AHNAK: variants seen among roughly 807,000 people sequenced by gnomAD.
The protein encoded by AHNAK is neuroblast differentiation-associated protein AHNAK.
Under a neutral mutation model 37.8 loss-of-function variants are expected in AHNAK, and 23 were observed. The ratio of observed to expected loss-of-function variants is 0.61; its 90% confidence interval spans 0.44 to 0.86. The LOEUF (loss-of-function observed/expected upper bound fraction) is 0.86. AHNAK is among the 40% of genes least tolerant of loss of function. The pLI, the probability that AHNAK is intolerant of heterozygous loss-of-function variation, is 0.00. For missense variants in AHNAK, 7,411 were observed against 7,319.4 expected (o/e 1.01, Z -0.46); for synonymous variants, 2,481 against 2,636.3 (o/e 0.94, Z 1.80).
rs774570799 is a variant in AHNAK, at chr11:62,517,389, T to C, written c.17028A>G (p.Arg5676=). The C allele has an allele frequency of 2.5e-6, 4 of 1,614,084 alleles. No homozygotes were observed. Among genetic ancestry groups the C allele is most frequent in the African/African-American group, 1.3e-5 (1 of 74,948 alleles). Reference sequence around the variant, plus strand: ...GGAAGTGAACATCCACCCCCATTTCTCTGCCAACCAGCTCACGGCCAGAGA... The same window carrying C: ...GGAAGTGAACATCCACCCCCATTTCCCTGCCAACCAGCTCACGGCCAGAGA... The part of the protein sequence containing the change: ...FTFSGRELVG[R]EMGVDVHFPK... Residue 5676 remains arginine, a synonymous_variant, in exon 5 of 5, where the codon AGA becomes AGG. Transcript: ENST00000378024.
In AHNAK at chr11:62,523,324, C is replaced by A; in HGVS notation, c.11093G>T (p.Gly3698Val). The A allele has an allele frequency of 2.5e-6, 4 of 1,613,296 alleles. No individual in the cohort carries two copies. In the South Asian group the frequency reaches 4.4e-5, roughly 18 times the overall value. ...DVVVSLPKVE[G>V]DLKGPEVDIK... ...GTCCACCTCAGGGCCTTTTAGATCA[C>A]CTTCCACTTTGGGCAAAGACACAAC... The change falls in exon 5 of 5, where the codon GGT becomes GTT. Residue 3698 changes from glycine (G) to valine (V), a missense_variant. Gly to Val is a moderately radical substitution (Grantham distance 109, BLOSUM62 -3). Transcript: ENST00000378024.
Position 62,521,365 on chromosome 11 carries a change from T to G in AHNAK, c.13052A>C (p.Lys4351Thr), listed in dbSNP as rs200917311. ...GACATCAGGGGCATCAATGTCCACTTTGGGGCCAGAAATCTCAATGTCAGC... is the reference window on the plus strand; with the variant it reads ...GACATCAGGGGCATCAATGTCCACTGTGGGGCCAGAAATCTCAATGTCAGC... ...PKADIEISGP[K>T]VDIDAPDVSI... The change falls in exon 5 of 5, where the codon AAA (lysine) becomes ACA (threonine). Residue 4351 changes from lysine (K) to threonine (T), a missense_variant. Physicochemically the swap from Lys to Thr is moderately conservative, Grantham distance 78. Coordinates refer to ENST00000378024, the MANE Select transcript of AHNAK (RefSeq NM_001620.3). 6.2e-7 allele frequency: 1 copy of G among 1,613,912 alleles called. No individual in the cohort carries two copies. The highest frequency in any genetic ancestry group is 8.5e-7 in the Non-Finnish European group (1 of 1,180,000).
intron 5 of AHNAK, among the ~76,000 whole-genome samples, chr11:62,480,322 T>A (rs563386817): frequency 5.3e-5 from 8 of 152,276 alleles, no homozygotes; most frequent in African/African-American, 1.9e-4. Flanking sequence ...TCACTCCAGG[T>A]ACATCCATTC....
rs1490252640 is a variant in AHNAK, at chr11:62,519,380, T to G, written c.15037A>C (p.Ser5013Arg). 5 of 1,613,906 alleles carry G rather than the reference T, an allele frequency of 3.1e-6. No homozygotes were observed. Among genetic ancestry groups the G allele is most frequent in the Non-Finnish European group, 4.2e-6 (5 of 1,179,970 alleles). Reference protein sequence around the residue: ...AELNLETPEISVGGKGKKSKF... With the variant: ...AELNLETPEIRVGGKGKKSKF... ...CTTTTCTTGCCCTTGCCACCAACACTAATTTCAGGAGTCTCAAGGTTCAGC... is the reference window on the plus strand; with the variant it reads ...CTTTTCTTGCCCTTGCCACCAACACGAATTTCAGGAGTCTCAAGGTTCAGC... The change falls in exon 5 of 5, where the codon AGT becomes CGT. Residue 5013 changes from serine (S) to arginine (R), a missense_variant. By Grantham distance (110) the Ser-to-Arg change is moderately radical. Transcript: ENST00000378024.
In AHNAK at chr11:62,525,976, G is replaced by A. The variant is rs1940467500; in HGVS notation, c.8441C>T (p.Pro2814Leu). Residue 2814 changes from proline to leucine, a missense_variant, in exon 5 of 5, where the codon CCT (proline) becomes CTT (leucine). Coordinates refer to ENST00000378024, the MANE Select transcript of AHNAK (RefSeq NM_001620.3). ...VECPDVNIEGPEGKWKSPKFK... is the reference protein window; with the variant it reads ...VECPDVNIEGLEGKWKSPKFK... The stretch of plus-strand genomic sequence containing the variant: ...CTTTGGACTTTTCCACTTTCCTTCA[G>A]GTCCTTCGATATTCACATCGGGACA... 3 of 1,613,672 alleles carry A rather than the reference G, an allele frequency of 1.9e-6. No homozygotes were observed. The African/African-American group carries it at 4.0e-5, about 22-fold the overall frequency.
rs767686242 is a variant in AHNAK, at chr11:62,517,881, T to C, written c.16536A>G (p.Lys5512=). ...GCCCAGAAATCTGCCCAGTTGGGAG[T>C]TTCACATTCACGCCTGGCAGGTTCA... is the stretch of plus-strand genomic sequence containing the variant. ...CDVNLPGVNV[K]LPTGQISGPE... is the part of the protein sequence containing the mutation. Residue 5512 remains lysine (K), a synonymous_variant, in exon 5 of 5, where the codon AAA becomes AAG. Transcript: ENST00000378024. 11 of 1,613,418 alleles carry C rather than the reference T, an allele frequency of 6.8e-6. No individual in the cohort carries two copies. Among genetic ancestry groups the C allele is most frequent in the Non-Finnish European group, 9.3e-6 (11 of 1,179,872 alleles).
At position 62,517,136 on chromosome 11, in the gene AHNAK, C is replaced by G; in HGVS notation, c.17281G>C (p.Ala5761Pro). The change falls in exon 5 of 5, where the codon GCC (alanine) becomes CCC (proline). Residue 5761 changes from alanine to proline, a missense_variant. Physicochemically the swap from Ala to Pro is conservative, Grantham distance 27. Transcript: ENST00000378024. ...GAGAATTTGCCTTTCGGTGAAGAGG[C>G]TTCGGCCTCTGCCTCTCCTTCCAGA... Reference protein sequence around the residue: ...GSLEGEAEAEASSPKGKFSLF... With the variant: ...GSLEGEAEAEPSSPKGKFSLF... 1 of 1,613,070 alleles carries G rather than the reference C, an allele frequency of 6.2e-7. No homozygotes were observed. The highest frequency in any genetic ancestry group is 8.5e-7 in the Non-Finnish European group (1 of 1,179,900).
Position 62,523,395 on chromosome 11 carries a change from A to T in AHNAK, c.11022T>A (p.Pro3674=), listed in dbSNP as rs908762459. ...MNIKAPKISM[P]DFDLNLKGPK... ...GTCCCTTCAAGTTCAGGTCAAAGTC[A>T]GGCATGGAGATCTTGGGGGCTTTGA... is the stretch of plus-strand genomic sequence containing the variant. The change falls in exon 5 of 5, where the codon CCT becomes CCA. Residue 3674 remains proline (P), a synonymous_variant. Transcript: ENST00000378024. The T allele has an allele frequency of 2.5e-6, 4 of 1,612,804 alleles. No homozygotes were observed. The highest frequency in any genetic ancestry group is 3.4e-6 in the Non-Finnish European group (4 of 1,179,650).
chr11:62,461,119 G>A (rs1468498772), intron 5 of AHNAK, among the ~76,000 whole-genome samples: 51 of 145,690 alleles, frequency 3.5e-4, no homozygotes, highest in Admixed American at 6.2e-4. Context: ...ACAGGCGTGG[G>A]CCACCACGCC....
intron 5 of AHNAK, among the ~76,000 whole-genome samples, chr11:62,481,518 C>T (rs1939273013): frequency 6.6e-6 from 1 of 152,098 alleles, no homozygotes; most frequent in Non-Finnish European, 1.5e-5. Context: ...TACCCAAAAA[C>T]CTCCCTAGAC....
Position 62,526,071 on chromosome 11 carries a change from T to G in AHNAK, c.8346A>C (p.Glu2782Asp). ...PKISMPGFKGEGPDVDVNLPK... is the reference protein window; with the variant it reads ...PKISMPGFKGDGPDVDVNLPK... ...GCAGGTTCACGTCCACATCTGGACCTTCTCCTTTGAAGCCAGGCATGCTGA... is the reference window on the plus strand; with the variant it reads ...GCAGGTTCACGTCCACATCTGGACCGTCTCCTTTGAAGCCAGGCATGCTGA... Residue 2782 changes from glutamate (E) to aspartate (D), a missense_variant, in exon 5 of 5, where the codon GAA (glutamate) becomes GAC (aspartate). Glu to Asp is a conservative substitution (Grantham distance 45). Transcript: ENST00000378024. The G allele has an allele frequency of 6.2e-7, 1 of 1,600,790 alleles. No homozygotes were observed. The highest frequency in any genetic ancestry group is 8.5e-7 in the Non-Finnish European group (1 of 1,175,030).
At chr11:62,433,841 C>A (rs373500291) in exon 6 of AHNAK, 59 of 1,613,394 alleles carry the variant, frequency 3.7e-5, no homozygotes, top group Non-Finnish European at 4.7e-5. Flanking sequence ...AGAACGGTCA[C>A]AAAAACAACC....
chr11:62,499,713 T>A (rs1939680533), intron 4 of AHNAK, among the ~76,000 whole-genome samples: 1 of 152,182 alleles, frequency 6.6e-6, no homozygotes, highest in Non-Finnish European at 1.5e-5. Flanking sequence ...GGGATGCCAA[T>A]GAGACTTCCC....
intron 5 of AHNAK, among the ~76,000 whole-genome samples, chr11:62,467,234 A>G (rs888249617): frequency 2.6e-5 from 4 of 151,598 alleles, no homozygotes; most frequent in African/African-American, 9.7e-5. Flanking sequence ...AAAAACTTAG[A>G]AAAATAGTAT....
intron 4 of AHNAK, among the ~76,000 whole-genome samples, chr11:62,502,124 T>C (rs1386061992): frequency 1.3e-5 from 2 of 152,158 alleles, no homozygotes; most frequent in East Asian, 3.9e-4. Context: ...CTTTTTGCCG[T>C]TCTTGCCACC....
intron 4 of AHNAK, among the ~76,000 whole-genome samples, chr11:62,492,380 G>T (rs1939518616): frequency 6.6e-6 from 1 of 152,082 alleles, no homozygotes; most frequent in African/African-American, 2.4e-5. Context: ...ATCAGAGGTC[G>T]CTACCATCTG....
rs1044344319 is a variant in AHNAK, at chr11:62,535,864, G to C, written c.154+81C>G. The C allele has an allele frequency of 5.3e-6, 8 of 1,520,522 alleles. No individual in the cohort carries two copies. The African/African-American group carries it at 9.7e-5, about 18-fold the overall frequency. The allele number at this position is 1,520,522 out of a possible 1,614,324, so 94.2% of individuals were successfully genotyped here. A position where few individuals can be genotyped will look rare whatever the true frequency, so the allele number is the denominator to read the frequency against. On this transcript the variant is annotated intron_variant, in intron 3 of 4. Transcript: ENST00000378024. ...CCTCGACAGCCACTCACCCACTTCT[G>C]CCTGCTCCCTGCCCTTCCCTCCAAC... is the stretch of plus-strand genomic sequence containing the variant.
chr11:62,529,975 T>G lies in AHNAK; in HGVS notation c.4442A>C (p.Lys1481Thr). The G allele has an allele frequency of 6.2e-7, 1 of 1,613,364 alleles. No individual in the cohort carries two copies. Among genetic ancestry groups the G allele is most frequent in the Non-Finnish European group, 8.5e-7 (1 of 1,179,862 alleles). ...VTVPKVEGEI[K>T]APDVDIKGPK... Reference sequence around the variant, plus strand: ...GCCTTTGATGTCAACATCAGGAGCTTTTATCTCTCCTTCTACTTTTGGAAC... The same window carrying G: ...GCCTTTGATGTCAACATCAGGAGCTGTTATCTCTCCTTCTACTTTTGGAAC... The change falls in exon 5 of 5, where the codon AAA becomes ACA. Residue 1481 changes from lysine to threonine, a missense_variant. By Grantham distance (78) the Lys-to-Thr change is moderately conservative. Transcript: ENST00000378024.
At position 62,521,357 on chromosome 11, in the gene AHNAK, T is replaced by G. The variant is rs1940232941; in HGVS notation, c.13060A>C (p.Ile4354Leu). 1.2e-6 allele frequency: 2 copies of G among 1,613,734 alleles called. No individual in the cohort carries two copies. Among genetic ancestry groups the G allele is most frequent in the Non-Finnish European group, 1.7e-6 (2 of 1,179,972 alleles). Residue 4354 changes from isoleucine (I) to leucine (L), a missense_variant, in exon 5 of 5, where the codon ATT becomes CTT. Ile to Leu is a conservative substitution (Grantham distance 5). Coordinates refer to ENST00000378024, the MANE Select transcript of AHNAK (RefSeq NM_001620.3). The part of the protein sequence containing the change: ...DIEISGPKVD[I>L]DAPDVSIEGP... ...TCGATACTGACATCAGGGGCATCAA[T>G]GTCCACTTTGGGGCCAGAAATCTCA... is the stretch of plus-strand genomic sequence containing the variant.
Sources: gnomAD v4.1 joint callset for allele counts (sites outside exome capture counted in the v4.1 genomes callset) on GRCh38, gnomAD v4.1.1 for gene constraint, MANE v1.5 for transcripts, NCBI Gene and HGNC (gene_info 2026-07-23, HGNC 2026-07-21) for gene names.